CAST: variants seen among roughly 807,000 people sequenced by gnomAD.
CAST encodes the protein calpastatin.
In CAST, 76 loss-of-function variants were observed where a neutral mutation model predicts 119.6. The ratio of observed to expected loss-of-function variants is 0.64; its 90% CI spans 0.53 to 0.77. CAST has a LOEUF of 0.77. Ranked by LOEUF, CAST falls within the 30% of genes least tolerant of loss-of-function variation. The pLI, the probability that CAST is intolerant of heterozygous loss-of-function variation, is 0.00. For synonymous variants in CAST, 319 were observed against 331.6 expected (o/e 0.96, Z 0.41); for missense variants, 953 against 946.5 (o/e 1.01, Z -0.09).
the CAST span, among the ~76,000 whole-genome samples, chr5:96,021,869 A>T: frequency 6.6e-6 from 1 of 152,234 alleles, no homozygotes; most frequent in Non-Finnish European, 1.5e-5. Context: ...ATCGGATTAC[A>T]TATAATTACA....
chr5:96,199,056 A>C, the CAST span, among the ~76,000 whole-genome samples: 1 of 152,142 alleles, frequency 6.6e-6, no homozygotes, highest in East Asian at 1.9e-4. Context: ...GTTTTCTATA[A>C]TCTCTTTGAT....
At chr5:96,719,836 T>C (rs968998115) in intron 3 of CAST, among the ~76,000 whole-genome samples, 1 of 152,156 alleles carries the variant, frequency 6.6e-6, no homozygotes, top group Non-Finnish European at 1.5e-5. Flanking sequence ...CGTACACAGC[T>C]CGGAGGGTCC....
chr5:96,429,864 G>A, the CAST span, among the ~76,000 whole-genome samples: 1 of 152,186 alleles, frequency 6.6e-6, no homozygotes, highest in Non-Finnish European at 1.5e-5. Context: ...TAGGAGGCTA[G>A]TGATGCTTCT....
chr5:96,316,152 T>G, the CAST span, among the ~76,000 whole-genome samples: 1 of 152,194 alleles, frequency 6.6e-6, no homozygotes, highest in African/African-American at 2.4e-5. Flanking sequence ...GTAACCAGAA[T>G]AGTGAATATA....
intron 1 of CAST, among the ~76,000 whole-genome samples, chr5:96,666,624 A>G (rs1302849069): frequency 6.6e-6 from 1 of 152,254 alleles, no homozygotes; most frequent in Non-Finnish European, 1.5e-5. Context: ...CTTTAGGGTA[A>G]TGGAAACATA....
At chr5:95,963,445 T>G in the CAST span, among the ~76,000 whole-genome samples, 1 of 152,252 alleles carries the variant, frequency 6.6e-6, no homozygotes, top group Non-Finnish European at 1.5e-5. Context: ...GTAAATTGAC[T>G]TAATTTCAAT....
At chr5:96,759,471 A>T (rs765997784) in intron 24 of CAST, among the ~76,000 whole-genome samples, 6 of 152,128 alleles carry the variant, frequency 3.9e-5, no homozygotes, top group Admixed American at 1.3e-4. Context: ...ACATTGTCAT[A>T]AACACCTTTA....
At chr5:96,135,649 T>C in the CAST span, among the ~76,000 whole-genome samples, 1 of 152,210 alleles carries the variant, frequency 6.6e-6, no homozygotes, top group African/African-American at 2.4e-5. Context: ...TTCTCTTTTT[T>C]CCCAAGGGCT....
At chr5:96,556,493 C>A (rs1016754946) in intron 1 of CAST, among the ~76,000 whole-genome samples, 2 of 152,080 alleles carry the variant, frequency 1.3e-5, no homozygotes, top group African/African-American at 2.4e-5. Context: ...ACTAGAATAA[C>A]CAATGCAGAG....
chr5:96,157,954 C>T, the CAST span, among the ~76,000 whole-genome samples: 20 of 152,228 alleles, frequency 1.3e-4, no homozygotes, highest in South Asian at 2.1e-3. Flanking sequence ...CCATTTGTTC[C>T]GTGTATGATC....
At chr5:96,374,687 T>C in the CAST span, among the ~76,000 whole-genome samples, 1 of 152,194 alleles carries the variant, frequency 6.6e-6, no homozygotes, top group Admixed American at 6.5e-5. Context: ...CATCAGAATC[T>C]TTTGCTACTT....
the CAST span, among the ~76,000 whole-genome samples, chr5:96,069,033 G>A: frequency 3.3e-5 from 5 of 151,388 alleles, no homozygotes; most frequent in African/African-American, 1.2e-4. Context: ...AGATGTATAT[G>A]TGTGTATGTG....
intron 1 of CAST, among the ~76,000 whole-genome samples, chr5:96,598,021 T>C (rs1240707316): frequency 6.6e-6 from 1 of 152,046 alleles, no homozygotes; most frequent in Non-Finnish European, 1.5e-5. Context: ...CCCCACAGGG[T>C]CAAGATGACT....
chr5:96,107,739 T>C, the CAST span, among the ~76,000 whole-genome samples: 2 of 152,214 alleles, frequency 1.3e-5, no homozygotes, highest in Admixed American at 1.3e-4. Flanking sequence ...TTTGTGGCGT[T>C]CTCTGTATTT....
upstream of CAST, among the ~76,000 whole-genome samples, chr5:96,524,475 G>A (rs1580810087): frequency 6.6e-6 from 1 of 152,308 alleles, no homozygotes; most frequent in African/African-American, 2.4e-5. Context: ...ATTCCAGCAG[G>A]GAGTGGAGAC....
At chr5:96,185,925 A>G in the CAST span, among the ~76,000 whole-genome samples, 1 of 152,130 alleles carries the variant, frequency 6.6e-6, no homozygotes, top group African/African-American at 2.4e-5. Context: ...AATTGAATAT[A>G]TAAATTACTT....
At chr5:96,734,424 T>C (rs1251392934) in intron 9 of CAST, among the ~76,000 whole-genome samples, 1 of 152,190 alleles carries the variant, frequency 6.6e-6, no homozygotes, top group African/African-American at 2.4e-5. Flanking sequence ...CAGGGACTGT[T>C]TCAGTAGTCC....
At chr5:96,597,662 A>G (rs1245006620) in intron 1 of CAST, among the ~76,000 whole-genome samples, 3 of 152,132 alleles carry the variant, frequency 2.0e-5, no homozygotes, top group Admixed American at 1.3e-4. Context: ...TGAGTGATTT[A>G]TTTTTCCATA....
At chr5:96,579,216 C>A (rs984113007) in intron 1 of CAST, among the ~76,000 whole-genome samples, 1 of 152,162 alleles carries the variant, frequency 6.6e-6, no homozygotes, top group Non-Finnish European at 1.5e-5. Context: ...AGGCCAGGTA[C>A]CTACTGTGGC....
Sources: allele counts gnomAD v4.1 joint callset (sites outside exome capture counted in the v4.1 genomes callset), GRCh38; gene constraint gnomAD v4.1.1; transcripts MANE v1.5; gene names NCBI Gene and HGNC (gene_info 2026-07-23, HGNC 2026-07-21).